The following ANKRD29 variants were observed in gnomAD, a reference collection of about 807,000 sequenced individuals.
The protein encoded by ANKRD29 is ankyrin repeat domain 29, also known as ankyrin repeat domain-containing protein 29.
In ANKRD29, 32 loss-of-function variants were observed where a neutral mutation model predicts 38.0. The observed-to-expected ratio is 0.84, with a 90% CI of 0.64 to 1.13. The LOEUF (loss-of-function observed/expected upper bound fraction) is 1.13. Among genes scored for constraint, ANKRD29 ranks in the 50% most tolerant of loss-of-function variants. ANKRD29 has a pLI of 0.00. For missense variants in ANKRD29, 357 were observed against 377.9 expected, an observed-to-expected ratio of 0.94 and a Z score of 0.46; for synonymous variants, 135 against 152.4, an observed-to-expected ratio of 0.89 and a Z score of 0.84.
chr18:23,637,805 C>T (rs562643072), intron 4 of ANKRD29, among the ~76,000 whole-genome samples: 140 of 152,050 alleles, frequency 9.2e-4, no homozygotes, highest in Non-Finnish European at 1.3e-3. Flanking sequence ...TTCCAACTTG[C>T]GCACATTTTC....
rs1023750465 is a variant in ANKRD29 at position 23,619,498 on chromosome 18, T to C, written c.627+33A>G. 1.9e-6 allele frequency: 3 copies of C among 1,546,860 alleles called. No individual in the cohort carries two copies. In the African/African-American group the frequency reaches 4.1e-5, roughly 21 times the overall value. ...TCTCCACACAGGCGCGCCGGGAGGCTTCGCTCTTTGGCCGCGCGACTCGGG... is the reference window on the plus strand; with the variant it reads ...TCTCCACACAGGCGCGCCGGGAGGCCTCGCTCTTTGGCCGCGCGACTCGGG... On this transcript the variant is annotated intron_variant, in intron 7 of 9. Transcript: ENST00000592179.
chr18:23,601,887 G>A (rs541567948), intron 9 of ANKRD29, among the ~76,000 whole-genome samples: 1 of 151,578 alleles, frequency 6.6e-6, no homozygotes, highest in Non-Finnish European at 1.5e-5. Flanking sequence ...TGAACTCCTC[G>A]GTTTAAGTGA....
chr18:23,624,499 A>AAG (rs2059837557), intron 6 of ANKRD29, among the ~76,000 whole-genome samples: 1 of 147,532 alleles, frequency 6.8e-6, no homozygotes, highest in Non-Finnish European at 1.5e-5. Flanking sequence ...AAAAAAAAAA[A>AAG]AGGTAATAGA....
intron 8 of ANKRD29, among the ~76,000 whole-genome samples, chr18:23,614,025 C>G (rs1017067633): frequency 1.3e-5 from 2 of 152,088 alleles, no homozygotes; most frequent in African/African-American, 4.8e-5. Context: ...AGCCAGTGTG[C>G]CCGGCCTTTA....
At position 23,642,661 on chromosome 18, in the gene ANKRD29, T is replaced by A. The variant is rs141633798; in HGVS notation, c.231+3528A>T. ...GAAGGCGCTGCTAGCCATGGAGGTT[T>A]CCAGCTGGCAAAGTGACACCCTAAG... On this transcript the variant is annotated intron_variant, in intron 3 of 9. Coordinates refer to ENST00000592179, the MANE Select transcript of ANKRD29 (RefSeq NM_173505.4). Among the ~76,000 whole-genome samples the A allele has an allele frequency of 1.1e-3, 169 of 152,322 alleles. 1 individual carries two copies. Among genetic ancestry groups the A allele is most frequent in the Middle Eastern group, 6.8e-3 (2 of 294 alleles).
rs1455659383 is a variant in ANKRD29 at position 23,600,103 on chromosome 18, C to T, written c.*1123G>A. On this transcript the variant is annotated 3_prime_UTR_variant, in exon 10 of 10. Transcript: ENST00000592179. ...ATGTGCAGTTAGGCACTGACTGAGG[C>T]ATTTAGACACCATTAATTATAAAGT... is the stretch of plus-strand genomic sequence containing the variant. The T allele has an allele frequency of 2.0e-5, 3 of 152,470 alleles. No individual in the cohort carries two copies. The highest frequency in any genetic ancestry group is 7.2e-5 in the African/African-American group (3 of 41,446). 9.4% of individuals were successfully genotyped at this position (152,470 alleles called of 1,614,324 possible).
At chr18:23,661,581 G>A (rs184479745) in intron 1 of ANKRD29, among the ~76,000 whole-genome samples, 146 of 152,246 alleles carry the variant, frequency 9.6e-4, no homozygotes, top group African/African-American at 3.3e-3. Context: ...GGTGGCGCAC[G>A]CCTGTAATCC....
intron 9 of ANKRD29, among the ~76,000 whole-genome samples, chr18:23,604,533 C>G (rs148185907): frequency 3.6e-4 from 54 of 149,346 alleles, no homozygotes; most frequent in African/African-American, 1.3e-3. Context: ...CCAACAGGTG[C>G]TTTTTTTTTT....
At chr18:23,624,500 A>AAAAAAAAAAAAT (rs2059837685) in intron 6 of ANKRD29, among the ~76,000 whole-genome samples, 2 of 135,646 alleles carry the variant, frequency 1.5e-5, no homozygotes, top group African/African-American at 5.5e-5. Flanking sequence ...AAAAAAAAAA[A>AAAAAAAAAAAAT]GGTAATAGAA....
chr18:23,616,609 T>C (rs2059725656), intron 8 of ANKRD29, among the ~76,000 whole-genome samples: 1 of 142,088 alleles, frequency 7.0e-6, no homozygotes, highest in Non-Finnish European at 1.5e-5. Context: ...ATATACTATA[T>C]ATATAGTGTA....
chr18:23,604,009 A>G (rs1239434704), intron 9 of ANKRD29, among the ~76,000 whole-genome samples: 1 of 151,780 alleles, frequency 6.6e-6, no homozygotes, highest in African/African-American at 2.4e-5. Flanking sequence ...TGCCCAGCTA[A>G]TTTTTGTATT....
At chr18:23,614,775 A>G (rs2059690015) in intron 8 of ANKRD29, among the ~76,000 whole-genome samples, 1 of 152,216 alleles carries the variant, frequency 6.6e-6, no homozygotes, top group Non-Finnish European at 1.5e-5. Context: ...ATTAACTGTC[A>G]GCAAGAATGG....
intron 9 of ANKRD29, among the ~76,000 whole-genome samples, chr18:23,603,934 C>A (rs537659213): frequency 6.6e-6 from 1 of 151,980 alleles, no homozygotes; most frequent in East Asian, 1.9e-4. Context: ...CCTCTACCTC[C>A]CGAGTTCAAG....
chr18:23,606,593 G>A (rs761463532), intron 9 of ANKRD29, among the ~76,000 whole-genome samples: 3 of 152,136 alleles, frequency 2.0e-5, no homozygotes, highest in Non-Finnish European at 4.4e-5. Flanking sequence ...TTACAGGCAT[G>A]AGCCACTACA....
intron 3 of ANKRD29, among the ~76,000 whole-genome samples, chr18:23,645,708 T>C (rs2060130243): frequency 6.6e-6 from 1 of 152,230 alleles, no homozygotes; most frequent in Non-Finnish European, 1.5e-5. Flanking sequence ...TGTTGACCCA[T>C]ACGGCTTTTT....
chr18:23,636,811 C>T (rs562122987), intron 4 of ANKRD29, among the ~76,000 whole-genome samples: 8 of 152,296 alleles, frequency 5.3e-5, no homozygotes, highest in African/African-American at 1.4e-4. Flanking sequence ...TGGGCTCAAG[C>T]GATCTGCCTG....
chr18:23,617,494 T>G (rs2059739182), intron 8 of ANKRD29, among the ~76,000 whole-genome samples: 1 of 152,088 alleles, frequency 6.6e-6, no homozygotes. Context: ...TCATTACTAC[T>G]GTCGATTTTT....
chr18:23,653,724 C>G (rs2060240438), intron 1 of ANKRD29, among the ~76,000 whole-genome samples: 1 of 151,888 alleles, frequency 6.6e-6, no homozygotes, highest in South Asian at 2.1e-4. Flanking sequence ...CTGACACTGA[C>G]CATGCCTGGC....
intron 1 of ANKRD29, 35 bp downstream of exon 1, chr18:23,662,675 G>A: frequency 3.1e-6 from 4 of 1,279,496 alleles, no homozygotes; most frequent in Non-Finnish European, 4.0e-6. Flanking sequence ...CCCGAGCCCG[G>A]CCCCAGCCCT....
Sources: allele counts gnomAD v4.1 joint callset (sites outside exome capture counted in the v4.1 genomes callset), GRCh38; gene constraint gnomAD v4.1.1; transcripts MANE v1.5; gene names NCBI Gene and HGNC (gene_info 2026-07-23, HGNC 2026-07-21).